DCUN1D4: variants seen among roughly 807,000 people sequenced by gnomAD.
DCUN1D4 encodes the protein DCN1-like protein 4.
DCUN1D4 carries 22 observed loss-of-function variants against 47.9 expected under a neutral mutation model. The observed-to-expected ratio is 0.46, with a 90% CI of 0.33 to 0.66. The LOEUF (loss-of-function observed/expected upper bound fraction) is 0.66. Ranked by LOEUF, DCUN1D4 falls within the 30% of genes least tolerant of loss-of-function variation. The probability of loss-of-function intolerance (pLI) is 0.02; values close to 1 mark genes in which losing one functional copy is unlikely to be tolerated. For missense variants in DCUN1D4, 301 were observed against 340.8 expected (o/e 0.88, Z 0.92); for synonymous variants, 121 against 112.2 (o/e 1.08, Z -0.50).
At chr4:51,837,479 C>T in the DCUN1D4 span, among the ~76,000 whole-genome samples, 5 of 151,436 alleles carry the variant, frequency 3.3e-5, no homozygotes, top group Admixed American at 3.3e-4. Context: ...CACGGTGAAA[C>T]CCCGTCTCTA....
intron 1 of DCUN1D4, among the ~76,000 whole-genome samples, chr4:51,849,916 C>T (rs1190893759): frequency 1.3e-5 from 2 of 151,808 alleles, no homozygotes; most frequent in East Asian, 3.8e-4. Flanking sequence ...ATCTGATGTA[C>T]CAAATACCTT....
intron 1 of DCUN1D4, among the ~76,000 whole-genome samples, chr4:51,845,412 C>T (rs1045436291): frequency 6.6e-6 from 1 of 152,158 alleles, no homozygotes; most frequent in South Asian, 2.1e-4. Flanking sequence ...TTCGAAGAAG[C>T]TTGGAAAGCA....
At chr4:51,906,199 C>G (rs1006854168) in intron 8 of DCUN1D4, among the ~76,000 whole-genome samples, 1 of 152,158 alleles carries the variant, frequency 6.6e-6, no homozygotes, top group Non-Finnish European at 1.5e-5. Context: ...CATGTACTCT[C>G]TTTCCCAGCA....
Position 51,913,563 on chromosome 4 carries a change from T to C in DCUN1D4, c.858T>C (p.Tyr286=), listed in dbSNP as rs555373137. ...TGTTGGACGAGTTTGTGGAGTGGTA[T>C]AAAGACAAACAGATGTCCTAGGACT... is the stretch of plus-strand genomic sequence containing the variant. ...PVLLDEFVEW[Y]KDKQMS is the part of the protein sequence containing the mutation. Residue 286 remains tyrosine, a synonymous_variant, in exon 11 of 11, where the codon TAT becomes TAC. Transcript: ENST00000334635. 28 of 1,613,004 alleles carry C rather than the reference T, an allele frequency of 1.7e-5. No homozygotes were observed. In the South Asian group the frequency reaches 2.7e-4, roughly 16 times the overall value.
intron 7 of DCUN1D4, among the ~76,000 whole-genome samples, chr4:51,894,177 G>T: frequency 6.6e-6 from 1 of 152,174 alleles, no homozygotes; most frequent in East Asian, 1.9e-4. Context: ...AAGGCATGGA[G>T]GAACCGCTTG....
chr4:51,894,235 G>C (rs1264266078), intron 7 of DCUN1D4, among the ~76,000 whole-genome samples: 1 of 152,178 alleles, frequency 6.6e-6, no homozygotes, highest in Non-Finnish European at 1.5e-5. Context: ...TCAGTGAGGT[G>C]GAGATAATTA....
At chr4:51,879,321 T>G (rs1728165380) in intron 5 of DCUN1D4, among the ~76,000 whole-genome samples, 1 of 152,192 alleles carries the variant, frequency 6.6e-6, no homozygotes, top group South Asian at 2.1e-4. Flanking sequence ...TAAAAGTGAT[T>G]GACGGCTGGG....
chr4:51,844,878 C>T, intron 1 of DCUN1D4: 2 of 985,406 alleles, frequency 2.0e-6, no homozygotes, highest in South Asian at 4.7e-5. Flanking sequence ...TGGAGCCTTC[C>T]TGCTCGGCCA....
intron 3 of DCUN1D4, 129 bp from the exon 4 acceptor site, chr4:51,874,142 T>G: frequency 2.0e-6 from 1 of 497,304 alleles, no homozygotes; most frequent in Non-Finnish European, 3.3e-6. Flanking sequence ...AAACCCATCT[T>G]TTCTTTAACA....
chr4:51,888,034 C>T (rs1032277201), intron 6 of DCUN1D4, among the ~76,000 whole-genome samples: 1 of 151,890 alleles, frequency 6.6e-6, no homozygotes, highest in Non-Finnish European at 1.5e-5. Context: ...CAAGAAAAGA[C>T]CATTACATTG....
At chr4:51,891,157 T>G (rs1730365530) in intron 6 of DCUN1D4, among the ~76,000 whole-genome samples, 1 of 152,246 alleles carries the variant, frequency 6.6e-6, no homozygotes, top group African/African-American at 2.4e-5. Flanking sequence ...CCTGTCCACC[T>G]TGTTATGTTT....
chr4:51,911,379 A>T (rs1452332174), intron 9 of DCUN1D4, among the ~76,000 whole-genome samples: 1 of 152,154 alleles, frequency 6.6e-6, no homozygotes, highest in East Asian at 1.9e-4. Context: ...GCTTCATTCC[A>T]CATTAAAAAT....
chr4:51,876,572 A>T (rs2109990541), intron 4 of DCUN1D4, among the ~76,000 whole-genome samples: 1 of 150,262 alleles, frequency 6.7e-6, no homozygotes, highest in East Asian at 2.0e-4. Flanking sequence ...GTATAATACA[A>T]AAAAAAAAGG....
At chr4:51,892,409 T>C (rs1480081527) in intron 7 of DCUN1D4, among the ~76,000 whole-genome samples, 4 of 152,232 alleles carry the variant, frequency 2.6e-5, no homozygotes, top group Non-Finnish European at 5.9e-5. Context: ...GCTATTGAGT[T>C]GAACGGTGCA....
chr4:51,893,829 C>G (rs1730822545), intron 7 of DCUN1D4, among the ~76,000 whole-genome samples: 1 of 152,194 alleles, frequency 6.6e-6, no homozygotes, highest in African/African-American at 2.4e-5. Flanking sequence ...GAGGCACCAT[C>G]AACATTTTCA....
chr4:51,899,386 C>T lies in DCUN1D4; in HGVS notation c.615+8C>T, dbSNP rs1185059650. ...GCGTTTGACTTTGCACGGGTGAGTTCTCTGGAGCCTATCCAGATGTTTCCC... is the reference window on the plus strand; with the variant it reads ...GCGTTTGACTTTGCACGGGTGAGTTTTCTGGAGCCTATCCAGATGTTTCCC... On this transcript the variant is annotated splice_region_variant and intron_variant, in intron 8 of 10. Transcript: ENST00000334635. 1.3e-6 allele frequency: 2 copies of T among 1,598,790 alleles called. No individual in the cohort carries two copies. The highest frequency in any genetic ancestry group is 2.3e-5 in the East Asian group (1 of 44,406).
chr4:51,891,843 T>TGAG lies in DCUN1D4; in HGVS notation c.498_499insGAG (p.Thr166_Ser167insGlu). On this transcript the variant is annotated inframe_insertion, in exon 7 of 11. Coordinates refer to ENST00000334635, the MANE Select transcript of DCUN1D4 (RefSeq NM_001040402.3). ...TACAGGAGTGGTTAAAAGGAATGAC[T>TGAG]TCTCTCCAGTAAGTCCTAGGCTGCA... 6.2e-7 allele frequency: 1 copy of TGAG among 1,610,140 alleles called. No individual in the cohort carries two copies. Among genetic ancestry groups the TGAG allele is most frequent in the Non-Finnish European group, 8.5e-7 (1 of 1,177,956 alleles).
At chr4:51,851,476 G>T (rs1723350010) in intron 1 of DCUN1D4, among the ~76,000 whole-genome samples, 1 of 152,156 alleles carries the variant, frequency 6.6e-6, no homozygotes, top group African/African-American at 2.4e-5. Context: ...GCATGGTGGG[G>T]ACAGAGAACT....
At position 51,916,688 on chromosome 4, in the gene DCUN1D4, C is replaced by T. The variant is rs1170574326; in HGVS notation, c.*3104C>T. On this transcript the variant is annotated 3_prime_UTR_variant, in exon 11 of 11. Coordinates refer to ENST00000334635, the MANE Select transcript of DCUN1D4 (RefSeq NM_001040402.3). The stretch of plus-strand genomic sequence containing the variant: ...GTGTCGTCAGTATTTGCATTACATT[C>T]ATAAAAGTGTGCAAGTCCTGTGACT... 6.6e-6 allele frequency: 1 copy of T among 152,504 alleles called. No homozygotes were observed. The highest frequency in any genetic ancestry group is 1.5e-5 in the Non-Finnish European group (1 of 67,990). 9.4% of individuals were successfully genotyped at this position (152,504 alleles called of 1,614,324 possible).
Sources: gnomAD v4.1 joint callset for allele counts (sites outside exome capture counted in the v4.1 genomes callset) on GRCh38, gnomAD v4.1.1 for gene constraint, MANE v1.5 for transcripts, NCBI Gene and HGNC (gene_info 2026-07-23, HGNC 2026-07-21) for gene names.